Variants in ANGEL1 observed in about 807,000 individuals in gnomAD.
The protein encoded by ANGEL1 is angel homolog 1.
In ANGEL1, 62 loss-of-function variants were observed where a neutral mutation model predicts 76.4. The ratio of observed to expected loss-of-function variants is 0.81; its 90% CI spans 0.66 to 1.00. The LOEUF is 1.00. ANGEL1 is among the 50% of genes least tolerant of loss of function. The pLI is 0.00. For missense variants in ANGEL1, 737 were observed against 836.7 expected (o/e 0.88, Z 1.47); for synonymous variants, 340 against 331.7 (o/e 1.03, Z -0.27).
chr14:76,798,958 A>C (rs1379234152), intron 7 of ANGEL1, among the ~76,000 whole-genome samples: 2 of 151,926 alleles, frequency 1.3e-5, no homozygotes, highest in African/African-American at 4.8e-5. Flanking sequence ...AAAAAAAAAA[A>C]AAAAAAACAA....
At chr14:76,794,009 T>C (rs1894499102) in intron 7 of ANGEL1, among the ~76,000 whole-genome samples, 1 of 152,184 alleles carries the variant, frequency 6.6e-6, no homozygotes. Context: ...CGGACTACTA[T>C]ATACAAAACT....
chr14:76,811,519 G>A (rs528764758), intron 1 of ANGEL1, among the ~76,000 whole-genome samples: 5 of 67,334 alleles, frequency 7.4e-5, no homozygotes, highest in East Asian at 6.5e-4. Flanking sequence ...ATGTGTAGGT[G>A]GGGGGGCGGG....
intron 7 of ANGEL1, among the ~76,000 whole-genome samples, chr14:76,797,804 TAA>T (rs1179238766): frequency 1.3e-5 from 2 of 152,258 alleles, no homozygotes; most frequent in Non-Finnish European, 2.9e-5. Context: ...TCTTACTTGT[TAA>T]AAGACTTAAA....
Position 76,806,910 on chromosome 14 carries a change from ACCAGCACCAGCAGTCCCAGTGT to A in ANGEL1, c.947-83_947-62del, listed in dbSNP as rs1164272921. On this transcript the variant is annotated intron_variant, in intron 4 of 9. Transcript: ENST00000251089. ...GTCCTTAAAGCCTGAATCCCTTCCA[ACCAGCACCAGCAGTCCCAGTGT>A]ATGCCCCTGAGGCATTGTTCCTGCT... The A allele has an allele frequency of 2.0e-5, 31 of 1,523,338 alleles. 1 individual carries two copies. In the South Asian group the frequency reaches 3.2e-4, roughly 16 times the overall value. 94.4% of individuals were successfully genotyped at this position (1,523,338 alleles called of 1,614,324 possible).
At chr14:76,799,898 T>C (rs988313720) in intron 7 of ANGEL1, among the ~76,000 whole-genome samples, 1 of 137,632 alleles carries the variant, frequency 7.3e-6, no homozygotes, top group Non-Finnish European at 1.6e-5. Flanking sequence ...ACAGTGAGAC[T>C]CTGTCATGAA....
At chr14:76,799,455 G>A (rs1166607821) in intron 7 of ANGEL1, among the ~76,000 whole-genome samples, 1 of 151,582 alleles carries the variant, frequency 6.6e-6, no homozygotes, top group Non-Finnish European at 1.5e-5. Flanking sequence ...CACCACACCT[G>A]GCTAATCTTT....
intron 9 of ANGEL1, among the ~76,000 whole-genome samples, chr14:76,790,113 C>T (rs544755921): frequency 6.6e-6 from 1 of 152,140 alleles, no homozygotes; most frequent in Non-Finnish European, 1.5e-5. Context: ...CTACCCACCT[C>T]GGCCTCCCAG....
In ANGEL1 at chr14:76,802,888, G is replaced by A. The variant is rs373869045; in HGVS notation, c.1618+483C>T. On this transcript the variant is annotated intron_variant, in intron 7 of 9. Transcript: ENST00000251089. ...ATTTCCCAGTTTTGTCTACAATGGA[G>A]TTTACATTTCTTTTTTCCATTCTCC... Among the ~76,000 whole-genome samples, 40 of 152,320 alleles carry A rather than the reference G, an allele frequency of 2.6e-4. 2 individuals are homozygous for A. In the East Asian group the frequency reaches 3.3e-3, roughly 12 times the overall value.
chr14:76,790,586 G>T (rs1243088396), intron 9 of ANGEL1, 25 bp downstream of exon 9: 1 of 1,586,220 alleles, frequency 6.3e-7, no homozygotes. Context: ...TGGGGGTGGA[G>T]GAACCCAGGA....
chr14:76,790,788 G>T lies in ANGEL1; in HGVS notation c.1689-14C>A. The T allele has an allele frequency of 6.4e-7, 1 of 1,567,272 alleles. No individual in the cohort carries two copies. ...GTACCTACAGTCCTACAGGGATGAA[G>T]GGGGAAACATTAGTTAACAAAAATT... is the stretch of plus-strand genomic sequence containing the variant. On this transcript the variant is annotated splice_polypyrimidine_tract_variant and intron_variant, in intron 8 of 9. Coordinates refer to ENST00000251089, the MANE Select transcript of ANGEL1 (RefSeq NM_015305.4).
intron 1 of ANGEL1, among the ~76,000 whole-genome samples, chr14:76,811,700 G>C (rs560943871): frequency 5.3e-5 from 8 of 152,324 alleles, no homozygotes; most frequent in African/African-American, 1.9e-4. Context: ...ACATTCCTCA[G>C]AAGTATGGAC....
At chr14:76,806,939 CT>C in intron 4 of ANGEL1, 90 bp from the exon 5 acceptor site, 10 of 1,372,802 alleles carry the variant, frequency 7.3e-6, no homozygotes, top group Non-Finnish European at 1.0e-5. Context: ...GTGTATGCCC[CT>C]GAGGCATTGT....
chr14:76,794,128 A>C (rs962414084), intron 7 of ANGEL1, among the ~76,000 whole-genome samples: 1 of 152,208 alleles, frequency 6.6e-6, no homozygotes, highest in South Asian at 2.1e-4. Context: ...ATTTTTGACA[A>C]GGGGAGAAGT....
rs1894844645 is a variant in ANGEL1 at position 76,804,053 on chromosome 14, A to G, written c.1381-141T>C. On this transcript the variant is annotated intron_variant, in intron 5 of 9. Transcript: ENST00000251089. ...TGGTATAAACAAGCATATAAGTCTCAGGGGCAGGTTAAAAATAAGGACCAA... is the reference window on the plus strand; with the variant it reads ...TGGTATAAACAAGCATATAAGTCTCGGGGGCAGGTTAAAAATAAGGACCAA... 2.6e-6 allele frequency: 4 copies of G among 1,534,512 alleles called. No homozygotes were observed. In the Admixed American group the frequency reaches 6.1e-5, roughly 24 times the overall value.
intron 7 of ANGEL1, among the ~76,000 whole-genome samples, chr14:76,796,911 T>C (rs1301944724): frequency 1.3e-5 from 2 of 151,992 alleles, no homozygotes. Context: ...TTACATCCTT[T>C]GTCATTACAA....
In ANGEL1 at chr14:76,809,644, C is replaced by G. The variant is rs1895027761; in HGVS notation, c.65-1G>C. The G allele has an allele frequency of 3.1e-6, 5 of 1,609,908 alleles. No homozygotes were observed. In the East Asian group the frequency reaches 8.9e-5, roughly 29 times the overall value. On this transcript the variant is annotated splice_acceptor_variant, in intron 1 of 9. Transcript: ENST00000251089. LOFTEE classifies it high-confidence loss of function. ...TTTTTTCGACATGTGAAGAAAGCAT[C>G]TAGGAGGAAAGCCAAAATACCAGGT... is the stretch of plus-strand genomic sequence containing the variant.
At position 76,809,282 on chromosome 14, in the gene ANGEL1, CA is replaced by C. The variant is rs746662236; in HGVS notation, c.425del (p.Val142GlyfsTer44). 5 of 1,613,826 alleles carry C rather than the reference CA, an allele frequency of 3.1e-6. No homozygotes were observed. The Admixed American group carries it at 6.7e-5, about 22-fold the overall frequency. On this transcript the variant is annotated frameshift_variant, in exon 2 of 10. Transcript: ENST00000251089. LOFTEE classifies it high-confidence loss of function. Reference sequence around the variant, plus strand: ...GGATAGCTGCCCACATGGAGCCCTCCACCCCCTCCACCTCCAGCAGTGGCTC... The same window carrying C: ...GGATAGCTGCCCACATGGAGCCCTCCCCCCCTCCACCTCCAGCAGTGGCTC... ...GEEPLLEVEG[V>X]EGSMWAAIPM...
chr14:76,806,810 G>C lies in ANGEL1; in HGVS notation c.986C>G (p.Thr329Ser). Residue 329 changes from threonine to serine, a missense_variant, in exon 5 of 10, where the codon ACC becomes AGC. Around this residue, in one of 2 missense-constraint regions of ANGEL1, gnomAD observed 441 missense variants for 449.5 expected, o/e 0.98. Transcript: ENST00000251089. ...CFYKRRTGCKTDGCAVCYKPT... is the reference protein window; with the variant it reads ...CFYKRRTGCKSDGCAVCYKPT... ...CTTGTAGCAGACAGCACAGCCATCG[G>C]TTTTACACCCAGTCCTCCTCTTGTA... 1 of 1,614,104 alleles carries C rather than the reference G, an allele frequency of 6.2e-7. No homozygotes were observed. The highest frequency in any genetic ancestry group is 8.5e-7 in the Non-Finnish European group (1 of 1,180,034).
chr14:76,812,709 C>G, intron 1 of ANGEL1, 55 bp downstream of exon 1: 1 of 1,464,924 alleles, frequency 6.8e-7, no homozygotes, highest in Non-Finnish European at 9.0e-7. Context: ...CCCGCGGAGC[C>G]CCGCAGAGGC....
Sources: allele counts gnomAD v4.1 joint callset (sites outside exome capture counted in the v4.1 genomes callset), GRCh38; gene constraint gnomAD v4.1.1; regional missense constraint gnomAD v4.1.1; transcripts MANE v1.5; gene names NCBI Gene and HGNC (gene_info 2026-07-23, HGNC 2026-07-21).